The following ZDHHC11B variants were observed in gnomAD, a reference collection of about 807,000 sequenced individuals.
The protein encoded by ZDHHC11B is zDHHC palmitoyltransferase 11B (putative).
Under a neutral mutation model 42.3 loss-of-function variants are expected in ZDHHC11B, and 17 were observed. The observed-to-expected ratio is 0.40, with a 90% CI of 0.27 to 0.60. The LOEUF is 0.60. Ranked by LOEUF, ZDHHC11B falls within the 20% of genes least tolerant of loss-of-function variation. ZDHHC11B has a pLI of 0.41. For missense variants in ZDHHC11B, 262 were observed against 463.2 expected, an observed-to-expected ratio of 0.57 and a Z score of 3.99; for synonymous variants, 123 against 193.5, an observed-to-expected ratio of 0.64 and a Z score of 3.02.
At chr5:773,717 G>A (rs1213642372) in intron 1 of ZDHHC11B, among the ~76,000 whole-genome samples, 6 of 151,754 alleles carry the variant, frequency 4.0e-5, no homozygotes, top group Non-Finnish European at 5.9e-5. Context: ...CAAACCCCAC[G>A]GGAGCCCAAG....
intron 13 of ZDHHC11B, among the ~76,000 whole-genome samples, chr5:713,927 G>A (rs1159290411): frequency 7.8e-6 from 1 of 127,620 alleles, no homozygotes; most frequent in East Asian, 2.1e-4. Flanking sequence ...CTCCTGAAAA[G>A]GTGAAAATGA....
At chr5:712,579 A>G in intron 13 of ZDHHC11B, among the ~76,000 whole-genome samples, 1 of 131,714 alleles carries the variant, frequency 7.6e-6, no homozygotes, top group Non-Finnish European at 1.6e-5. Context: ...CATCCTTTTG[A>G]AAGATAACCC....
chr5:757,031 T>A (rs56724743), intron 4 of ZDHHC11B, among the ~76,000 whole-genome samples: 2,207 of 149,804 alleles, frequency 0.015, 7 homozygotes, highest in African/African-American at 0.053. Flanking sequence ...GAAGCTGGGC[T>A]CCCCGTGACT....
intron 7 of ZDHHC11B, among the ~76,000 whole-genome samples, chr5:749,737 A>G (rs1211966011): frequency 7.7e-6 from 1 of 130,564 alleles, no homozygotes; most frequent in Admixed American, 8.8e-5. Context: ...AGCACATGCC[A>G]TCTTGGCCAC....
chr5:728,486 T>C (rs1301796900), intron 12 of ZDHHC11B, among the ~76,000 whole-genome samples: 2 of 151,880 alleles, frequency 1.3e-5, no homozygotes, highest in Non-Finnish European at 2.9e-5. Flanking sequence ...TAGTGAACAA[T>C]GGTTGACTAA....
chr5:720,145 G>A (rs1742075077), intron 12 of ZDHHC11B, among the ~76,000 whole-genome samples: 1 of 151,590 alleles, frequency 6.6e-6, no homozygotes, highest in Non-Finnish European at 1.5e-5. Flanking sequence ...TCTAATTAAA[G>A]GAATGAATCT....
chr5:722,703 G>A (rs1742279946), intron 12 of ZDHHC11B, among the ~76,000 whole-genome samples: 1 of 151,604 alleles, frequency 6.6e-6, no homozygotes, highest in African/African-American at 2.4e-5. Flanking sequence ...GATCTGTCAA[G>A]ATCAAGCAGC....
At position 761,708 on chromosome 5, in the gene ZDHHC11B, C is replaced by A. The variant is rs527450669; in HGVS notation, c.222+4990G>T. Among the ~76,000 whole-genome samples, 6 of 151,994 alleles carry A rather than the reference C, an allele frequency of 3.9e-5. No homozygotes were observed. In the South Asian group the frequency reaches 1.2e-3, roughly 32 times the overall value. On this transcript the variant is annotated intron_variant, in intron 4 of 13. Transcript: ENST00000508859. ...GCCTTAGAACCCCATGGAACCCCCACTCTGGTGACTGGGCACACTCAGGGC... is the reference window on the plus strand; with the variant it reads ...GCCTTAGAACCCCATGGAACCCCCAATCTGGTGACTGGGCACACTCAGGGC...
chr5:754,486 G>T (rs1211420268), intron 6 of ZDHHC11B, among the ~76,000 whole-genome samples: 5 of 125,566 alleles, frequency 4.0e-5, no homozygotes, highest in African/African-American at 1.1e-4. Context: ...CGTGCTCAGG[G>T]AAACATCTCT....
intron 12 of ZDHHC11B, among the ~76,000 whole-genome samples, chr5:728,203 CAATT>C (rs1270773762): frequency 5.9e-5 from 9 of 151,870 alleles, no homozygotes; most frequent in African/African-American, 1.5e-4. Flanking sequence ...CACATTGAAA[CAATT>C]AAAAGTGTTA....
chr5:737,908 C>T (rs1315032945), intron 10 of ZDHHC11B, among the ~76,000 whole-genome samples: 3 of 134,648 alleles, frequency 2.2e-5, no homozygotes, highest in Non-Finnish European at 3.2e-5. Context: ...AGGATGCCCA[C>T]TTTCACCACT....
intron 4 of ZDHHC11B, among the ~76,000 whole-genome samples, chr5:761,153 T>C (rs775779575): frequency 6.6e-5 from 10 of 151,998 alleles, no homozygotes; most frequent in Non-Finnish European, 1.5e-4. Context: ...TGGCGTGGAC[T>C]GCCTTGACCA....
At chr5:777,702 G>A (rs1386671650) in intron 1 of ZDHHC11B, among the ~76,000 whole-genome samples, 1 of 150,664 alleles carries the variant, frequency 6.6e-6, no homozygotes, top group Admixed American at 6.6e-5. Context: ...GCATTGACAA[G>A]CCTTTAGCTA....
chr5:721,414 C>T (rs1220905298), intron 12 of ZDHHC11B, among the ~76,000 whole-genome samples: 1 of 151,378 alleles, frequency 6.6e-6, no homozygotes, highest in African/African-American at 2.4e-5. Context: ...AATTAAAAGT[C>T]AGAGATTGGT....
At chr5:762,249 T>G (rs1447130969) in intron 4 of ZDHHC11B, among the ~76,000 whole-genome samples, 1 of 95,984 alleles carries the variant, frequency 1.0e-5, no homozygotes, top group South Asian at 3.6e-4. Flanking sequence ...CTCCCAGCCC[T>G]GGACAGTCAT....
chr5:761,611 G>T (rs543756260), intron 4 of ZDHHC11B, among the ~76,000 whole-genome samples: 1 of 151,848 alleles, frequency 6.6e-6, no homozygotes, highest in African/African-American at 2.4e-5. Flanking sequence ...AGTGTGTGCC[G>T]GGTGGACACG....
In ZDHHC11B at chr5:745,165, C is replaced by T. The variant is rs1318025364; in HGVS notation, c.900+18G>A. 8 of 1,121,106 alleles carry T rather than the reference C, an allele frequency of 7.1e-6. No individual in the cohort carries two copies. In the East Asian group the frequency reaches 1.7e-4, roughly 24 times the overall value. The allele number at this position is 1,121,106 out of a possible 1,614,324, so 69.4% of individuals were successfully genotyped here. A position where few individuals can be genotyped will look rare whatever the true frequency, so the allele number is the denominator to read the frequency against. ...TTGTCCCAGGCCTGGAGAAAAGGAG[C>T]AGAGAGACAGGTGGTACCTGGAGAA... On this transcript the variant is annotated intron_variant, in intron 9 of 13. Transcript: ENST00000508859.
At position 766,704 on chromosome 5, in the gene ZDHHC11B, G is replaced by C. The variant is rs773084716; in HGVS notation, c.216C>G (p.Ala72=). Residue 72 remains alanine (A), a synonymous_variant, in exon 4 of 14, where the codon GCC becomes GCG. Coordinates refer to ENST00000508859, the MANE Select transcript of ZDHHC11B (RefSeq NM_001351303.2). Reference sequence around the variant, plus strand: ...GCCACGATGAAAAGGATACCACATAGGCGATGTATTTCCACGAGTGAGGCA... The same window carrying C: ...GCCACGATGAAAAGGATACCACATACGCGATGTATTTCCACGAGTGAGGCA... The part of the protein sequence containing the change: ...PLLPHSWKYI[A]YVVTGGIFSF... 8.7e-6 allele frequency: 14 copies of C among 1,608,254 alleles called. No individual in the cohort carries two copies. In the African/African-American group the frequency reaches 1.7e-4, roughly 20 times the overall value.
chr5:728,104 T>G (rs922666161), intron 12 of ZDHHC11B, among the ~76,000 whole-genome samples: 1 of 151,624 alleles, frequency 6.6e-6, no homozygotes, highest in Non-Finnish European at 1.5e-5. Flanking sequence ...TGTGCAAACA[T>G]TTGAAAAGCT....
Sources: gnomAD v4.1 joint callset for allele counts (sites outside exome capture counted in the v4.1 genomes callset) on GRCh38, gnomAD v4.1.1 for gene constraint, MANE v1.5 for transcripts, NCBI Gene and HGNC (gene_info 2026-07-23, HGNC 2026-07-21) for gene names.